HEPH: variants seen among roughly 807,000 people sequenced by gnomAD.
HEPH encodes hephaestin.
Under a neutral mutation model 80.8 loss-of-function variants are expected in HEPH, and 69 were observed. The observed-to-expected ratio is 0.85, with a 90% CI of 0.70 to 1.04. HEPH has a LOEUF of 1.04. Ranked by LOEUF, HEPH falls within the 50% of genes least tolerant of loss-of-function variation. HEPH has a pLI of 0.00. For missense variants in HEPH, 1,115 were observed against 891.3 expected, an observed-to-expected ratio of 1.25 and a Z score of -3.20; for synonymous variants, 431 against 322.8, an observed-to-expected ratio of 1.34 and a Z score of -3.60.
At chrX:66,169,512 G>T (rs1274635120) in intron 1 of HEPH, among the ~76,000 whole-genome samples, 2 of 111,400 alleles carry the variant, frequency 1.8e-5, no homozygotes, top group African/African-American at 6.5e-5. Flanking sequence ...TGAAGTGAGA[G>T]GTTAGAATCT....
At chrX:66,175,918 A>G (rs1438905222) in intron 4 of HEPH, among the ~76,000 whole-genome samples, 2 of 111,365 alleles carry the variant, frequency 1.8e-5, no homozygotes, top group Non-Finnish European at 3.8e-5. Context: ...TTTCTGGAGG[A>G]GTCTTTAGGG....
At chrX:66,190,146 C>T (rs1482556076) in intron 6 of HEPH, among the ~76,000 whole-genome samples, 1 of 107,775 alleles carries the variant, frequency 9.3e-6, no homozygotes, top group Non-Finnish European at 1.9e-5. Flanking sequence ...GGGCACATCT[C>T]TCTGTGTTTA....
At chrX:66,191,081 TA>T (rs1320661624) in intron 6 of HEPH, among the ~76,000 whole-genome samples, 24 of 111,443 alleles carry the variant, frequency 2.2e-4, no homozygotes, top group Non-Finnish European at 4.0e-4. Context: ...TCTTAGAGAA[TA>T]GGGGGATGAT....
intron 15 of HEPH, among the ~76,000 whole-genome samples, chrX:66,235,266 T>G (rs141600419): frequency 6.7e-4 from 75 of 112,110 alleles, no homozygotes; most frequent in Middle Eastern, 4.6e-3. Context: ...CATGAAATCA[T>G]TGCCTTTTTG....
chrX:66,205,600 C>CTTT (rs35954260), intron 13 of HEPH, among the ~76,000 whole-genome samples: 1 of 99,062 alleles, frequency 1.0e-5, no homozygotes, highest in Non-Finnish European at 2.1e-5. Context: ...ATTTTTCATG[C>CTTT]TTTTTTTTTT....
At chrX:66,232,822 T>A (rs948135877) in intron 15 of HEPH, among the ~76,000 whole-genome samples, 8 of 111,078 alleles carry the variant, frequency 7.2e-5, no homozygotes, top group Non-Finnish European at 1.3e-4. Context: ...GATGCCAGAT[T>A]TACTTTTTTT....
rs1434136978 is a variant in HEPH at position 66,174,828 on chromosome X, T to A, written c.625+1027T>A. Among the ~76,000 whole-genome samples, 3 of 112,035 alleles carry A rather than the reference T, an allele frequency of 2.7e-5. 1 individual carries two copies. The highest frequency in any genetic ancestry group is 8.4e-3 in the Middle Eastern group (2 of 239). On this transcript the variant is annotated intron_variant, in intron 4 of 20. Transcript: ENST00000343002. ...TTTGTATATCTTCTTGTGAGAATTG[T>A]CTATTCATGTTCTTAGCCCACTTTT...
chrX:66,179,948 C>T (rs1271727443), intron 4 of HEPH, among the ~76,000 whole-genome samples: 1 of 111,086 alleles, frequency 9.0e-6, no homozygotes, highest in Non-Finnish European at 1.9e-5. Context: ...TATTTCCACC[C>T]CTTGACTTTA....
intron 15 of HEPH, among the ~76,000 whole-genome samples, chrX:66,218,765 T>G (rs908776580): frequency 1.8e-5 from 2 of 110,906 alleles, no homozygotes; most frequent in Non-Finnish European, 3.8e-5. Context: ...GACTGGGGGC[T>G]GCATGCACCG....
At chrX:66,209,234 T>A (rs904240859) in intron 15 of HEPH, among the ~76,000 whole-genome samples, 2 of 112,184 alleles carry the variant, frequency 1.8e-5, no homozygotes, top group Non-Finnish European at 3.8e-5. Context: ...TTTAATCTAA[T>A]GTTTGAATAG....
In HEPH at chrX:66,197,840, G is replaced by T. The variant is rs776912069; in HGVS notation, c.1659G>T (p.Leu553=). The T allele has an allele frequency of 5.3e-4, 638 of 1,207,549 alleles. 5 individuals carry two copies. In the South Asian group the frequency reaches 0.01, roughly 20 times the overall value. The change falls in exon 10 of 21, where the codon CTG becomes CTT. Residue 553 remains leucine (L), a synonymous_variant. Coordinates refer to ENST00000343002, the MANE Select transcript of HEPH (RefSeq NM_001367233.3). ...ADPIRDTNSG[L]VGPLLVCRAG... ...CCATAAGAGACACAAATTCTGGCCT[G>T]GTGGGCCCGCTGCTGGTGTGCAGGG...
chrX:66,266,467 G>T lies in HEPH; in HGVS notation c.3272G>T (p.Gly1091Val). The change falls in exon 21 of 21, where the codon GGC becomes GTC. Residue 1091 changes from glycine to valine, a missense_variant. By Grantham distance (109) the Gly-to-Val change is moderately radical. Transcript: ENST00000343002. Reference sequence around the variant, plus strand: ...GTGCCCCCCAGAGACATTGAAGAAGGCAATGTGAAGATGCTGGGCATGCAG... The same window carrying T: ...GTGCCCCCCAGAGACATTGAAGAAGTCAATGTGAAGATGCTGGGCATGCAG... ...KAVPPRDIEE[G>V]NVKMLGMQIP... 2 of 1,208,580 alleles carry T rather than the reference G, an allele frequency of 1.7e-6. No individual in the cohort carries two copies. Among genetic ancestry groups the T allele is most frequent in the Non-Finnish European group, 2.2e-6 (2 of 893,736 alleles).
At chrX:66,189,619 T>C in intron 5 of HEPH, 65 bp from the exon 6 acceptor site, 1 of 1,107,386 alleles carries the variant, frequency 9.0e-7, no homozygotes, top group Non-Finnish European at 1.2e-6. Context: ...TGTCAAATGG[T>C]AAGGCTTCTT....
intron 15 of HEPH, among the ~76,000 whole-genome samples, chrX:66,248,337 G>T (rs1196911481): frequency 8.9e-6 from 1 of 112,089 alleles, no homozygotes; most frequent in African/African-American, 3.2e-5. Context: ...TCCCACCTGG[G>T]ATGAGAATGT....
chrX:66,211,414 T>C (rs1196477017), intron 15 of HEPH, among the ~76,000 whole-genome samples: 1 of 111,694 alleles, frequency 9.0e-6, no homozygotes, highest in Non-Finnish European at 1.9e-5. Flanking sequence ...TAATCTGCTA[T>C]CAAACATTGA....
At chrX:66,216,152 CCCTGCGTACAA>C (rs2089380791) in intron 15 of HEPH, among the ~76,000 whole-genome samples, 1 of 111,458 alleles carries the variant, frequency 9.0e-6, no homozygotes, top group African/African-American at 3.3e-5. Flanking sequence ...GGCTCTATGA[CCCTGCGTACAA>C]CCTGACAAAA....
chrX:66,218,187 C>T (rs1345803054), intron 15 of HEPH, among the ~76,000 whole-genome samples: 1 of 111,668 alleles, frequency 9.0e-6, no homozygotes, highest in African/African-American at 3.3e-5. Flanking sequence ...TTGGACTTAA[C>T]AGATATTTAC....
Position 66,256,239 on chromosome X carries a change from T to C in HEPH, c.2805T>C (p.Tyr935=). ...TTTTTGATGAAAATAAGTCTTGGTATTTGGAGGAAAATGTGGCAACCCATG... is the reference window on the plus strand; with the variant it reads ...TTTTTGATGAAAATAAGTCTTGGTACTTGGAGGAAAATGTGGCAACCCATG... The part of the protein sequence containing the change: ...FLIFDENKSW[Y]LEENVATHGS... Residue 935 remains tyrosine, a synonymous_variant, in exon 17 of 21, where the codon TAT becomes TAC. Transcript: ENST00000343002. The C allele has an allele frequency of 8.3e-7, 1 of 1,211,055 alleles. No individual in the cohort carries two copies. Among genetic ancestry groups the C allele is most frequent in the Non-Finnish European group, 1.1e-6 (1 of 895,005 alleles).
Position 66,255,054 on chromosome X carries a change from G to A in HEPH, c.2583G>A (p.Gln861=), listed in dbSNP as rs1569409915. 4 of 1,204,447 alleles carry A rather than the reference G, an allele frequency of 3.3e-6. No homozygotes were observed. The highest frequency in any genetic ancestry group is 1.7e-5 in the African/African-American group (1 of 57,610). ...AAEPGEVVTY[Q]WNIPERSGPG... ...TTCTAGGTGAGGTGGTCACTTATCA[G>A]TGGAACATCCCAGAGAGGTCTGGCC... Residue 861 remains glutamine, a synonymous_variant, in exon 16 of 21, where the codon CAG becomes CAA. Transcript: ENST00000343002.
Sources: allele counts gnomAD v4.1 joint callset (sites outside exome capture counted in the v4.1 genomes callset), GRCh38; gene constraint gnomAD v4.1.1; transcripts MANE v1.5; gene names NCBI Gene and HGNC (gene_info 2026-07-23, HGNC 2026-07-21).